The following RHBDD1 variants were observed in gnomAD, a reference collection of about 807,000 sequenced individuals.
The protein encoded by RHBDD1 is rhomboid domain containing 1, also known as rhomboid-related protein 4.
A neutral mutation model predicts 36.3 loss-of-function variants in RHBDD1; 38 were observed. That is an observed-to-expected ratio of 1.05 (90% CI 0.81 to 1.37). The LOEUF (loss-of-function observed/expected upper bound fraction) is 1.37, where lower values mean the gene tolerates loss of function less well. RHBDD1 is among the 40% of genes most tolerant of loss of function. The pLI, the probability that RHBDD1 is intolerant of heterozygous loss-of-function variation, is 0.00. For missense variants in RHBDD1, 393 were observed against 377.6 expected (o/e 1.04, Z -0.34); for synonymous variants, 151 against 136.5 (o/e 1.11, Z -0.74).
the RHBDD1 span, among the ~76,000 whole-genome samples, chr2:226,820,878 A>T: frequency 6.6e-6 from 1 of 152,142 alleles, no homozygotes; most frequent in Non-Finnish European, 1.5e-5. Context: ...AGGGGTTGCC[A>T]GAAAGTTAGC....
chr2:226,962,362 A>AT (rs1161331509), intron 8 of RHBDD1, among the ~76,000 whole-genome samples: 4 of 152,214 alleles, frequency 2.6e-5, no homozygotes, highest in African/African-American at 9.6e-5. Flanking sequence ...CAAGTCTCAT[A>AT]TTTTACCATA....
At chr2:226,856,597 C>G (rs779557213) in intron 3 of RHBDD1, among the ~76,000 whole-genome samples, 3 of 152,070 alleles carry the variant, frequency 2.0e-5, no homozygotes, top group Non-Finnish European at 2.9e-5. Flanking sequence ...GAATAAGATT[C>G]CTGAGAGAGT....
At chr2:226,832,744 G>T (rs979729029), upstream of RHBDD1, among the ~76,000 whole-genome samples, 1 of 152,092 alleles carries the variant, frequency 6.6e-6, no homozygotes, top group African/African-American at 2.4e-5. Context: ...TCAGCCAGAC[G>T]CGCTGGCCTG....
intron 8 of RHBDD1, among the ~76,000 whole-genome samples, chr2:226,957,904 G>T (rs1056919171): frequency 2.0e-5 from 3 of 151,964 alleles, no homozygotes; most frequent in African/African-American, 7.3e-5. Context: ...TCTTAGGCTA[G>T]CAAGGATAAA....
At chr2:226,911,066 A>G (rs1948483114) in intron 7 of RHBDD1, among the ~76,000 whole-genome samples, 1 of 152,200 alleles carries the variant, frequency 6.6e-6, no homozygotes, top group Non-Finnish European at 1.5e-5. Context: ...ATTTTAAAAT[A>G]AGAAATAGCA....
intron 5 of RHBDD1, among the ~76,000 whole-genome samples, chr2:226,876,636 A>G (rs1945262553): frequency 6.6e-6 from 1 of 152,194 alleles, no homozygotes; most frequent in South Asian, 2.1e-4. Context: ...CCCTAAATTC[A>G]TACTCTGAAC....
chr2:226,915,682 A>G (rs945141826), intron 8 of RHBDD1, among the ~76,000 whole-genome samples: 2 of 152,180 alleles, frequency 1.3e-5, no homozygotes, highest in African/African-American at 4.8e-5. Flanking sequence ...GGGAATGACA[A>G]CAAGCGGGAG....
chr2:226,902,111 A>G (rs1340164168), intron 5 of RHBDD1, among the ~76,000 whole-genome samples: 2 of 152,208 alleles, frequency 1.3e-5, no homozygotes, highest in African/African-American at 4.8e-5. Flanking sequence ...GTCAACAGGA[A>G]GTTGTTCCTA....
the RHBDD1 span, among the ~76,000 whole-genome samples, chr2:226,815,546 G>A: frequency 6.6e-6 from 1 of 151,936 alleles, no homozygotes; most frequent in Non-Finnish European, 1.5e-5. Flanking sequence ...AAGTATTTTA[G>A]ACAGTTTTAT....
intron 5 of RHBDD1, among the ~76,000 whole-genome samples, chr2:226,894,618 G>A (rs1946950420): frequency 6.6e-6 from 1 of 152,032 alleles, no homozygotes; most frequent in African/African-American, 2.4e-5. Flanking sequence ...TTATTTTTTA[G>A]CTAGGATATT....
chr2:226,952,242 G>A (rs1437161597), intron 8 of RHBDD1, among the ~76,000 whole-genome samples: 1 of 150,062 alleles, frequency 6.7e-6, no homozygotes, highest in Non-Finnish European at 1.5e-5. Context: ...CCAAAAAGCT[G>A]TAGCAGAAGG....
intron 5 of RHBDD1, among the ~76,000 whole-genome samples, chr2:226,903,945 G>A (rs1575032857): frequency 6.6e-6 from 1 of 152,082 alleles, no homozygotes; most frequent in East Asian, 1.9e-4. Context: ...GAGGAGATAT[G>A]TCACTGGACA....
chr2:226,888,262 C>G (rs961814416), intron 5 of RHBDD1, among the ~76,000 whole-genome samples: 1 of 152,060 alleles, frequency 6.6e-6, no homozygotes, highest in Non-Finnish European at 1.5e-5. Context: ...CAAACGGATG[C>G]TATAATTGAG....
chr2:226,913,547 G>A (rs189276353), intron 7 of RHBDD1, among the ~76,000 whole-genome samples: 237 of 152,214 alleles, frequency 1.6e-3, no homozygotes, highest in African/African-American at 5.6e-3. Flanking sequence ...TATTAATGGT[G>A]TACCTAAGTT....
intron 8 of RHBDD1, among the ~76,000 whole-genome samples, chr2:226,951,246 C>T (rs1462565224): frequency 6.6e-6 from 1 of 152,114 alleles, no homozygotes; most frequent in East Asian, 1.9e-4. Context: ...TCTCCAAATA[C>T]AGTCTCTTTC....
intron 5 of RHBDD1, among the ~76,000 whole-genome samples, chr2:226,884,403 T>A (rs1192043207): frequency 6.6e-6 from 1 of 152,258 alleles, no homozygotes; most frequent in East Asian, 1.9e-4. Context: ...AAATGTTCCC[T>A]CCATTTAAAG....
intron 8 of RHBDD1, among the ~76,000 whole-genome samples, chr2:226,923,329 A>C (rs573012149): frequency 1.1e-4 from 17 of 152,168 alleles, no homozygotes; most frequent in Admixed American, 1.1e-3. Context: ...TCAGCACTTT[A>C]AATATATCAT....
In RHBDD1 at chr2:226,998,351, G is replaced by C. The variant is rs1234842703; in HGVS notation, c.*2829G>C. On this transcript the variant is annotated 3_prime_UTR_variant, in exon 9 of 9. Transcript: ENST00000392062. ...ACATGTTCTGCTGCCTGGGGAGTAA[G>C]CAAGCTAAAGGGATGAGAAAGACCA... is the stretch of plus-strand genomic sequence containing the variant. 1 of 152,188 alleles carries C rather than the reference G, an allele frequency of 6.6e-6. No individual in the cohort carries two copies. The highest frequency in any genetic ancestry group is 1.5e-5 in the Non-Finnish European group (1 of 68,036). 9.4% of individuals were successfully genotyped at this position (152,188 alleles called of 1,614,324 possible).
Position 226,995,459 on chromosome 2 carries a change from C to G in RHBDD1, c.885C>G (p.Tyr295Ter). ...RGNTRNSPPPYGFHLSPEEMR... is the reference protein window; with the variant it reads ...RGNTRNSPPP ...ATACCAGAAATAGCCCACCACCCTA[C>G]GGGTTTCATCTCTCACCAGAAGAAA... Residue 295 changes from tyrosine (Y) to a stop codon, truncating the protein, a stop_gained, in exon 9 of 9, where the codon TAC becomes TAG. Coordinates refer to ENST00000392062, the MANE Select transcript of RHBDD1 (RefSeq NM_001167608.3). LOFTEE classifies it high-confidence loss of function. 1 of 1,612,794 alleles carries G rather than the reference C, an allele frequency of 6.2e-7. No homozygotes were observed. Among genetic ancestry groups the G allele is most frequent in the Non-Finnish European group, 8.5e-7 (1 of 1,179,192 alleles).
Sources: allele counts gnomAD v4.1 joint callset (sites outside exome capture counted in the v4.1 genomes callset), GRCh38; gene constraint gnomAD v4.1.1; transcripts MANE v1.5; gene names NCBI Gene and HGNC (gene_info 2026-07-23, HGNC 2026-07-21).